TIAM1: variants seen among roughly 807,000 people sequenced by gnomAD.
The protein encoded by TIAM1 is rho guanine nucleotide exchange factor TIAM1.
A neutral mutation model predicts 163.5 loss-of-function variants in TIAM1; 65 were observed. The ratio of observed to expected loss-of-function variants is 0.40; its 90% CI spans 0.33 to 0.49. TIAM1 has a LOEUF of 0.49. TIAM1 is among the 20% of genes least tolerant of loss of function. The probability of loss-of-function intolerance (pLI) is 0.77; values close to 1 mark genes in which losing one functional copy is unlikely to be tolerated. For synonymous variants in TIAM1, 833 were observed against 810.1 expected (o/e 1.03, Z -0.48); for missense variants, 1,789 against 2,044.7 (o/e 0.87, Z 2.41).
chr21:31,447,063 G>A (rs2044651909), intron 2 of TIAM1, among the ~76,000 whole-genome samples: 1 of 152,000 alleles, frequency 6.6e-6, no homozygotes, highest in Non-Finnish European at 1.5e-5. Flanking sequence ...TGGGCCTTAA[G>A]GTAGGACAGG....
intron 2 of TIAM1, among the ~76,000 whole-genome samples, chr21:31,381,904 G>C (rs771899921): frequency 5.9e-5 from 9 of 152,170 alleles, no homozygotes; most frequent in African/African-American, 2.2e-4. Context: ...TATATAGAGA[G>C]AGGCTGTCTT....
chr21:31,261,470 GGGAGGCT>G (rs1386046684), intron 4 of TIAM1, among the ~76,000 whole-genome samples: 1 of 152,036 alleles, frequency 6.6e-6, no homozygotes, highest in Non-Finnish European at 1.5e-5. Context: ...CTAGCATTTT[GGGAGGCT>G]GAGGCGGGAA....
chr21:31,247,994 T>C (rs2071596540), intron 5 of TIAM1, among the ~76,000 whole-genome samples: 2 of 152,114 alleles, frequency 1.3e-5, no homozygotes, highest in Admixed American at 1.3e-4. Context: ...TTTCTGGTTG[T>C]CACAACTTGG....
chr21:31,302,988 T>C (rs1031330023), intron 2 of TIAM1, among the ~76,000 whole-genome samples: 1 of 152,192 alleles, frequency 6.6e-6, no homozygotes, highest in African/African-American at 2.4e-5. Context: ...CCATGCTGAA[T>C]TTGAACTGGC....
At chr21:31,174,182 C>T (rs980819432) in intron 15 of TIAM1, among the ~76,000 whole-genome samples, 6 of 152,202 alleles carry the variant, frequency 3.9e-5, no homozygotes, top group African/African-American at 1.2e-4. Context: ...TTTTCAGAAT[C>T]GAGCTCCAGG....
At chr21:31,265,018 C>G (rs1042322802) in intron 4 of TIAM1, among the ~76,000 whole-genome samples, 2 of 152,076 alleles carry the variant, frequency 1.3e-5, no homozygotes, top group African/African-American at 4.8e-5. Flanking sequence ...TTCTTTCTTT[C>G]TTTTATTGAC....
At chr21:31,323,757 G>A (rs909738050) in intron 2 of TIAM1, among the ~76,000 whole-genome samples, 1 of 152,134 alleles carries the variant, frequency 6.6e-6, no homozygotes, top group African/African-American at 2.4e-5. Flanking sequence ...CTAGAGCCCG[G>A]GAGGCAGAGG....
intron 12 of TIAM1, among the ~76,000 whole-genome samples, chr21:31,197,539 C>CTTTT (rs58141765): frequency 2.4e-5 from 3 of 123,254 alleles, no homozygotes; most frequent in East Asian, 2.7e-4. Context: ...CCGCGCCCGG[C>CTTTT]TTTTTTTTTT....
intron 15 of TIAM1, among the ~76,000 whole-genome samples, chr21:31,167,847 T>C (rs532068661): frequency 1.9e-4 from 29 of 152,176 alleles, no homozygotes; most frequent in Non-Finnish European, 3.4e-4. Flanking sequence ...GTTTTAACTG[T>C]AAGCCCATGA....
chr21:31,187,475 T>C (rs2085358998), intron 13 of TIAM1, among the ~76,000 whole-genome samples: 2 of 152,152 alleles, frequency 1.3e-5, no homozygotes, highest in East Asian at 1.9e-4. Context: ...TCCTAGAATA[T>C]GTTAACAACT....
rs1436806406 is a variant in TIAM1, at chr21:31,205,949, AGAGT to A, written c.2389-2941_2389-2938del. Among the ~76,000 whole-genome samples the A allele has an allele frequency of 2.6e-5, 4 of 152,226 alleles. No individual in the cohort carries two copies. In the East Asian group the frequency reaches 7.7e-4, roughly 29 times the overall value. ...CACCACTGTACTTCAGCCGGGGGAC[AGAGT>A]GAGACCCTGTCTCAAAAAAAATTAA... On this transcript the variant is annotated intron_variant, in intron 11 of 27. Coordinates refer to ENST00000541036, the MANE Select transcript of TIAM1 (RefSeq NM_001353694.2).
intron 12 of TIAM1, among the ~76,000 whole-genome samples, chr21:31,196,973 A>G (rs974672880): frequency 1.3e-5 from 2 of 152,182 alleles, no homozygotes; most frequent in Non-Finnish European, 2.9e-5. Flanking sequence ...CCATTATCCT[A>G]CGTGAATTAA....
intron 1 of TIAM1, among the ~76,000 whole-genome samples, chr21:31,508,492 G>A (rs987637616): frequency 4.0e-5 from 6 of 150,846 alleles, no homozygotes; most frequent in South Asian, 2.1e-4. Flanking sequence ...GGGTTCAAGC[G>A]ATTCTCCTGC....
At position 31,534,129 on chromosome 21, in the gene TIAM1, A is replaced by G. The variant is rs146681677; in HGVS notation, c.-422+24798T>C. Among the ~76,000 whole-genome samples, 386 of 152,294 alleles carry G rather than the reference A, an allele frequency of 2.5e-3. 2 individuals are homozygous for G. The highest frequency in any genetic ancestry group is 8.7e-3 in the African/African-American group (363 of 41,562). Reference sequence around the variant, plus strand: ...CCCACTCCATATAATGGAAAACACAATGAAGAGAAAGCGAGTACCTCCAAG... The same window carrying G: ...CCCACTCCATATAATGGAAAACACAGTGAAGAGAAAGCGAGTACCTCCAAG... On this transcript the variant is annotated intron_variant, in intron 1 of 28. Coordinates refer to the TIAM1 transcript ENST00000286827.
At chr21:31,321,278 A>G (rs2075303222) in intron 2 of TIAM1, among the ~76,000 whole-genome samples, 1 of 152,148 alleles carries the variant, frequency 6.6e-6, no homozygotes, top group South Asian at 2.1e-4. Flanking sequence ...GCTCCTCCAC[A>G]TAATCTGAGG....
At chr21:31,219,337 G>A (rs920211408) in intron 8 of TIAM1, among the ~76,000 whole-genome samples, 5 of 152,252 alleles carry the variant, frequency 3.3e-5, no homozygotes, top group South Asian at 2.1e-4. Flanking sequence ...GAGGAACAGC[G>A]AGTCAGACTT....
intron 1 of TIAM1, among the ~76,000 whole-genome samples, chr21:31,557,655 C>G (rs1311587361): frequency 6.6e-6 from 1 of 152,238 alleles, no homozygotes; most frequent in Non-Finnish European, 1.5e-5. Context: ...CCGGACGGCT[C>G]TGACTCGGGA....
chr21:31,382,542 A>G (rs2076795587), intron 2 of TIAM1, among the ~76,000 whole-genome samples: 1 of 152,194 alleles, frequency 6.6e-6, no homozygotes. Context: ...CAACTCTTTG[A>G]TCTGTTTTTT....
At chr21:31,438,770 G>A (rs1489303123) in intron 2 of TIAM1, among the ~76,000 whole-genome samples, 1 of 152,072 alleles carries the variant, frequency 6.6e-6, no homozygotes, top group Admixed American at 6.6e-5. Context: ...TTGTCACAGG[G>A]AAAGAGAGAA....
Sources: allele counts gnomAD v4.1 joint callset (sites outside exome capture counted in the v4.1 genomes callset), GRCh38; gene constraint gnomAD v4.1.1; transcripts MANE v1.5; gene names NCBI Gene and HGNC (gene_info 2026-07-23, HGNC 2026-07-21).